Variants in PRRG4 observed in about 807,000 individuals in gnomAD.
PRRG4 encodes the protein proline rich and Gla domain 4.
Under a neutral mutation model 20.0 loss-of-function variants are expected in PRRG4, and 12 were observed. The ratio of observed to expected loss-of-function variants is 0.60; its 90% CI spans 0.38 to 0.97. The LOEUF is 0.97. PRRG4 is among the 50% of genes least tolerant of loss of function. The pLI, the probability that PRRG4 is intolerant of heterozygous loss-of-function variation, is 0.00. For synonymous variants in PRRG4, 94 were observed against 96.4 expected (o/e 0.98, Z 0.15); for missense variants, 199 against 265.1 (o/e 0.75, Z 1.73).
At chr11:32,839,905 A>T (rs1851062142) in intron 4 of PRRG4, among the ~76,000 whole-genome samples, 1 of 148,684 alleles carries the variant, frequency 6.7e-6, no homozygotes, top group Non-Finnish European at 1.5e-5. Flanking sequence ...TTTAATAAAT[A>T]AAAGAATAAC....
At chr11:32,850,704 CAAAGAAGCTGAG>C (rs1269469142) in intron 5 of PRRG4, among the ~76,000 whole-genome samples, 1 of 152,030 alleles carries the variant, frequency 6.6e-6, no homozygotes, top group East Asian at 1.9e-4. Flanking sequence ...GGGGGAGGGA[CAAAGAAGCTGAG>C]AAAGAAAAGA....
At position 32,856,239 on chromosome 11, in the gene PRRG4, A is replaced by G. The variant is rs1851226867; in HGVS notation, c.*2712A>G. ...AAAATTCTAACTGCAAGCTAGCTTCAGAACCTGTGAGAACCCCACCCCACC... is the reference window on the plus strand; with the variant it reads ...AAAATTCTAACTGCAAGCTAGCTTCGGAACCTGTGAGAACCCCACCCCACC... On this transcript the variant is annotated 3_prime_UTR_variant, in exon 6 of 6. Transcript: ENST00000257836. 1 of 152,188 alleles carries G rather than the reference A, an allele frequency of 6.6e-6. No individual in the cohort carries two copies. The highest frequency in any genetic ancestry group is 2.4e-5 in the African/African-American group (1 of 41,438). 9.4% of individuals were successfully genotyped at this position (152,188 alleles called of 1,614,324 possible). A position where few individuals can be genotyped will look rare whatever the true frequency, so the allele number is the denominator to read the frequency against.
In PRRG4 at chr11:32,855,278, A is replaced by G. The variant is rs1457099093; in HGVS notation, c.*1751A>G. The G allele has an allele frequency of 1.3e-5, 2 of 152,192 alleles. No homozygotes were observed. Among genetic ancestry groups the G allele is most frequent in the Non-Finnish European group, 2.9e-5 (2 of 68,028 alleles). The allele number at this position is 152,192 out of a possible 1,614,324, so 9.4% of individuals were successfully genotyped here. ...TTCTGGAGTATATGCACACAAATTT[A>G]TCTGGGTGGGTATGTAGGTATATGT... On this transcript the variant is annotated 3_prime_UTR_variant, in exon 6 of 6. Transcript: ENST00000257836.
At chr11:32,850,053 C>A (rs913464680) in intron 5 of PRRG4, among the ~76,000 whole-genome samples, 7 of 152,206 alleles carry the variant, frequency 4.6e-5, no homozygotes, top group African/African-American at 1.7e-4. Context: ...GAGTAATCCA[C>A]AAGATAATGA....
chr11:32,846,068 G>A (rs943390934), intron 5 of PRRG4, among the ~76,000 whole-genome samples: 1 of 152,102 alleles, frequency 6.6e-6, no homozygotes, highest in South Asian at 2.1e-4. Context: ...TTAGGTGGGA[G>A]GAGCACCTGA....
At chr11:32,850,193 G>C (rs996324340) in intron 5 of PRRG4, among the ~76,000 whole-genome samples, 38 of 152,286 alleles carry the variant, frequency 2.5e-4, no homozygotes, top group Non-Finnish European at 2.9e-5. Flanking sequence ...GAATAGCACA[G>C]TCATTATTTA....
At position 32,836,981 on chromosome 11, in the gene PRRG4, T is replaced by G. The variant is rs191185207; in HGVS notation, c.267+160T>G. ...AAATGGTAATTAACCTATTTAGACT[T>G]GGCTTTACACCTAATTAACTGGTTT... On this transcript the variant is annotated intron_variant, in intron 3 of 5. Coordinates refer to ENST00000257836, the MANE Select transcript of PRRG4 (RefSeq NM_024081.6). Among the ~76,000 whole-genome samples, 197 of 152,356 alleles carry G rather than the reference T, an allele frequency of 1.3e-3. 5 individuals carry two copies. The highest frequency in any genetic ancestry group is 0.012 in the Admixed American group (189 of 15,302).
At position 32,840,160 on chromosome 11, in the gene PRRG4, G is replaced by T; in HGVS notation, c.370G>T (p.Ala124Ser). The stretch of plus-strand genomic sequence containing the variant: ...GGGCCTTCTGACTGGATTAATTGCT[G>T]CTGGAGTATTTTTGGTTATTTTTGG... ...VMGLLTGLIA[A>S]GVFLVIFGLL... Residue 124 changes from alanine (A) to serine (S), a missense_variant, in exon 5 of 6, where the codon GCT becomes TCT. Transcript: ENST00000257836. The surrounding 1 kb of genome is among the most constrained non-coding windows in gnomAD (Gnocchi z 4.1). The T allele has an allele frequency of 6.2e-7, 1 of 1,608,556 alleles. No individual in the cohort carries two copies. The highest frequency in any genetic ancestry group is 8.5e-7 in the Non-Finnish European group (1 of 1,175,304).
At chr11:32,850,083 CT>C (rs1485604241) in intron 5 of PRRG4, among the ~76,000 whole-genome samples, 1 of 152,172 alleles carries the variant, frequency 6.6e-6, no homozygotes, top group African/African-American at 2.4e-5. Flanking sequence ...CAAAATTTGT[CT>C]TTAGACATTC....
chr11:32,849,238 T>C (rs1345221623), intron 5 of PRRG4, among the ~76,000 whole-genome samples: 1 of 152,058 alleles, frequency 6.6e-6, no homozygotes, highest in Non-Finnish European at 1.5e-5. Context: ...TGCATGCCTG[T>C]AGTCCCAGCT....
chr11:32,830,665 C>A lies in PRRG4; in HGVS notation c.103+33C>A, dbSNP rs778910941. On this transcript the variant is annotated intron_variant, in intron 2 of 5. Coordinates refer to ENST00000257836, the MANE Select transcript of PRRG4 (RefSeq NM_024081.6). Reference sequence around the variant, plus strand: ...CTAAAACGTCCCTGGAACCCAGAGCCGCATAGCACAGATCTCAGTGAGAAA... The same window carrying A: ...CTAAAACGTCCCTGGAACCCAGAGCAGCATAGCACAGATCTCAGTGAGAAA... 6.8e-6 allele frequency: 11 copies of A among 1,613,412 alleles called. No individual in the cohort carries two copies. The African/African-American group carries it at 1.5e-4, about 22-fold the overall frequency.
rs557716895 is a variant in PRRG4 at position 32,830,712 on chromosome 11, A to G, written c.103+80A>G. 5 of 1,592,146 alleles carry G rather than the reference A, an allele frequency of 3.1e-6. No individual in the cohort carries two copies. In the African/African-American group the frequency reaches 6.8e-5, roughly 22 times the overall value. ...GAAAGTGCAGTATTTGAAATTACAT[A>G]CCCCCAGCAATCATAGAAACACTAA... is the stretch of plus-strand genomic sequence containing the variant. On this transcript the variant is annotated intron_variant, in intron 2 of 5. Coordinates refer to ENST00000257836, the MANE Select transcript of PRRG4 (RefSeq NM_024081.6).
intron 1 of PRRG4, 80 bp downstream of exon 1, chr11:32,830,253 A>C: frequency 4.8e-6 from 5 of 1,040,388 alleles, no homozygotes; most frequent in Non-Finnish European, 6.1e-6. Context: ...GTTGGATTCG[A>C]ACACATAGCG....
chr11:32,838,302 A>G (rs933756428), intron 3 of PRRG4, among the ~76,000 whole-genome samples: 7 of 152,214 alleles, frequency 4.6e-5, no homozygotes, highest in Non-Finnish European at 7.4e-5. Flanking sequence ...GCAAAAAAGA[A>G]AAAATTACCT....
intron 5 of PRRG4, among the ~76,000 whole-genome samples, chr11:32,850,929 C>T (rs12799835): frequency 0.061 from 9,315 of 152,074 alleles, 354 homozygotes; most frequent in Non-Finnish European, 0.089. Context: ...AAAAATTAGC[C>T]GGGTGTGGTG....
chr11:32,838,993 A>C (rs974895645), intron 4 of PRRG4, 63 bp downstream of exon 4: 33 of 1,275,028 alleles, frequency 2.6e-5, no homozygotes, highest in Non-Finnish European at 3.5e-5. Flanking sequence ...AATACATTTT[A>C]GTTTTATTGT....
chr11:32,830,425 A>G (rs1590664924), intron 1 of PRRG4, 83 bp from the exon 2 acceptor site: 2 of 1,137,394 alleles, frequency 1.8e-6, no homozygotes, highest in Non-Finnish European at 2.4e-6. Context: ...TGAGTACAAC[A>G]GGTTGGTGAT....
chr11:32,831,921 A>G (rs197711), intron 2 of PRRG4, among the ~76,000 whole-genome samples: 132,894 of 152,112 alleles, frequency 0.87, 58,178 homozygotes, highest in East Asian at 0.99. Context: ...CCCGGGAGGC[A>G]GAGGCTGCAG....
At chr11:32,850,349 G>A (rs1030366053) in intron 5 of PRRG4, among the ~76,000 whole-genome samples, 3 of 152,150 alleles carry the variant, frequency 2.0e-5, no homozygotes, top group East Asian at 1.9e-4. Flanking sequence ...AGCAGAATTC[G>A]AGTGCAGGAA....
Sources: gnomAD v4.1 joint callset for allele counts (sites outside exome capture counted in the v4.1 genomes callset) on GRCh38, gnomAD v4.1.1 for gene constraint, Gnocchi (gnomAD v3.1) non-coding constraint, MANE v1.5 for transcripts, NCBI Gene and HGNC (gene_info 2026-07-23, HGNC 2026-07-21) for gene names.